The following TENM2 variants were observed in gnomAD, a reference collection of about 807,000 sequenced individuals.
TENM2 encodes teneurin transmembrane protein 2.
A neutral mutation model predicts 245.2 loss-of-function variants in TENM2; 52 were observed. That is an observed-to-expected ratio of 0.21 (90% CI 0.17 to 0.27). The LOEUF (loss-of-function observed/expected upper bound fraction) is 0.27, where lower values mean the gene tolerates loss of function less well. Ranked by LOEUF, TENM2 falls within the 10% of genes least tolerant of loss-of-function variation. The pLI, the probability that TENM2 is intolerant of heterozygous loss-of-function variation, is 1.00. For missense variants in TENM2, 3,046 were observed against 3,666.8 expected, an observed-to-expected ratio of 0.83 and a Z score of 4.37; for synonymous variants, 1,363 against 1,438.9, an observed-to-expected ratio of 0.95 and a Z score of 1.19.
intron 2 of TENM2, among the ~76,000 whole-genome samples, chr5:167,683,261 C>T (rs145717005): frequency 0.21 from 16,155 of 77,774 alleles, 1,309 homozygotes; most frequent in East Asian, 0.61. Flanking sequence ...TTTTTTTTTT[C>T]CCCCCCTGGG....
intron 13 of TENM2, among the ~76,000 whole-genome samples, chr5:168,164,626 C>T (rs994562984): frequency 2.0e-5 from 3 of 152,126 alleles, no homozygotes; most frequent in South Asian, 2.1e-4. Context: ...ATGTTCCTTC[C>T]TGATGGAGTG....
chr5:167,738,357 C>T (rs1380986489), intron 2 of TENM2, among the ~76,000 whole-genome samples: 4 of 152,174 alleles, frequency 2.6e-5, no homozygotes, highest in African/African-American at 7.2e-5. Context: ...TATCCTCTCA[C>T]CTCCTGGAAG....
chr5:167,839,849 CT>C (rs902774283), intron 2 of TENM2, among the ~76,000 whole-genome samples: 6 of 152,044 alleles, frequency 3.9e-5, no homozygotes, highest in Non-Finnish European at 8.8e-5. Context: ...TGGAATTTTG[CT>C]TTTTTTGTAC....
intron 2 of TENM2, among the ~76,000 whole-genome samples, chr5:167,599,577 C>T (rs993231057): frequency 1.9e-4 from 29 of 152,052 alleles, no homozygotes; most frequent in African/African-American, 7.0e-4. Context: ...AACCTGTTTT[C>T]TTGTTTTGAA....
the TENM2 span, among the ~76,000 whole-genome samples, chr5:167,119,908 A>G: frequency 3.9e-5 from 6 of 152,184 alleles, no homozygotes; most frequent in South Asian, 4.1e-4. Context: ...ATCAGTGTAG[A>G]CATAGGGTAT....
At chr5:167,333,632 A>G (rs375493852) in intron 1 of TENM2, among the ~76,000 whole-genome samples, 24 of 152,302 alleles carry the variant, frequency 1.6e-4, no homozygotes, top group East Asian at 3.9e-4. Flanking sequence ...ACTTCCAGTG[A>G]GGTGGAAGAG....
At chr5:167,809,909 C>A (rs1028541647) in intron 2 of TENM2, among the ~76,000 whole-genome samples, 3 of 152,100 alleles carry the variant, frequency 2.0e-5, no homozygotes, top group African/African-American at 7.2e-5. Context: ...CTACTAACAG[C>A]ATCTTGGTGC....
the TENM2 span, among the ~76,000 whole-genome samples, chr5:167,075,876 C>T: frequency 1.8e-4 from 28 of 152,304 alleles, no homozygotes; most frequent in Admixed American, 1.7e-3. Flanking sequence ...CTTCTGCCCT[C>T]TGCTGCTCAT....
chr5:167,090,360 G>T, the TENM2 span, among the ~76,000 whole-genome samples: 1 of 151,152 alleles, frequency 6.6e-6, no homozygotes, highest in East Asian at 1.9e-4. Flanking sequence ...TAAAGCCAAA[G>T]AAAGTAGCTG....
At chr5:168,061,296 C>G (rs763721650) in intron 6 of TENM2, among the ~76,000 whole-genome samples, 1 of 152,082 alleles carries the variant, frequency 6.6e-6, no homozygotes, top group African/African-American at 2.4e-5. Flanking sequence ...CTGCTAGTCA[C>G]GCTCAGCTTT....
chr5:167,781,956 A>G (rs758175779), intron 2 of TENM2, among the ~76,000 whole-genome samples: 2 of 151,896 alleles, frequency 1.3e-5, no homozygotes, highest in African/African-American at 4.8e-5. Context: ...TGCATGAGCC[A>G]TGATTGCATC....
chr5:168,208,710 C>T (rs1762563817), intron 19 of TENM2, among the ~76,000 whole-genome samples: 1 of 152,158 alleles, frequency 6.6e-6, no homozygotes, highest in Non-Finnish European at 1.5e-5. Flanking sequence ...AACAATGTCC[C>T]CATAAAATTT....
intron 2 of TENM2, among the ~76,000 whole-genome samples, chr5:167,398,842 A>G (rs893539442): frequency 1.1e-4 from 16 of 152,158 alleles, no homozygotes; most frequent in African/African-American, 3.9e-4. Flanking sequence ...TAAACAATTC[A>G]TGCATAGTAC....
At chr5:167,807,614 G>C (rs1766306904) in intron 2 of TENM2, among the ~76,000 whole-genome samples, 1 of 69,480 alleles carries the variant, frequency 1.4e-5, no homozygotes, top group African/African-American at 5.8e-5. Context: ...CTTAATAAAT[G>C]CATTTTTTTT....
the TENM2 span, among the ~76,000 whole-genome samples, chr5:166,989,157 C>T: frequency 1.4e-3 from 209 of 151,948 alleles, 1 homozygote; most frequent in African/African-American, 4.8e-3. Flanking sequence ...GCAACCTCCA[C>T]CTCCTGGGTT....
chr5:167,080,529 G>A, the TENM2 span, among the ~76,000 whole-genome samples: 1 of 152,054 alleles, frequency 6.6e-6, no homozygotes, highest in Non-Finnish European at 1.5e-5. Context: ...GTTGCCATTT[G>A]TGCACACTTA....
chr5:168,141,626 A>C (rs2152401100), intron 12 of TENM2, among the ~76,000 whole-genome samples: 1 of 152,350 alleles, frequency 6.6e-6, no homozygotes, highest in South Asian at 2.1e-4. Context: ...ATCAAGAATG[A>C]TGTTTCAGCT....
At chr5:167,017,253 GAAGCCC>G in the TENM2 span, among the ~76,000 whole-genome samples, 1 of 152,180 alleles carries the variant, frequency 6.6e-6, no homozygotes, top group Non-Finnish European at 1.5e-5. Flanking sequence ...TTTCATTTCA[GAAGCCC>G]AAGCTTCTAC....
At chr5:167,927,924 T>G (rs569854020) in intron 3 of TENM2, among the ~76,000 whole-genome samples, 21 of 152,196 alleles carry the variant, frequency 1.4e-4, no homozygotes, top group Non-Finnish European at 2.5e-4. Flanking sequence ...GAAATACATA[T>G]GCCAACGATG....
Sources: allele counts gnomAD v4.1 joint callset (sites outside exome capture counted in the v4.1 genomes callset), GRCh38; gene constraint gnomAD v4.1.1; transcripts MANE v1.5; gene names NCBI Gene and HGNC (gene_info 2026-07-23, HGNC 2026-07-21).